DIS3: variants seen among roughly 807,000 people sequenced by gnomAD.
DIS3 encodes DIS3 exosome endoribonuclease and 3'-5' exoribonuclease.
A neutral mutation model predicts 113.0 loss-of-function variants in DIS3; 103 were observed. That is an observed-to-expected ratio of 0.91 (90% CI 0.78 to 1.07). The LOEUF is 1.07. Among genes scored for constraint, DIS3 ranks in the 50% least tolerant of loss-of-function variants. The probability of loss-of-function intolerance (pLI) is 0.00; values close to 1 mark genes in which losing one functional copy is unlikely to be tolerated. For synonymous variants in DIS3, 402 were observed against 394.3 expected (o/e 1.02, Z -0.23); for missense variants, 1,121 against 1,167.1 (o/e 0.96, Z 0.58).
rs1333238991 is a variant in DIS3 at position 72,761,591 on chromosome 13, A to G, written c.2511+55T>C. On this transcript the variant is annotated intron_variant, in intron 18 of 20. Transcript: ENST00000377767. ...TAAATAAACAAAAAATTGAAATTAA[A>G]TTAAAAATGAACAAAACTTCATTTT... The G allele has an allele frequency of 3.3e-6, 5 of 1,532,890 alleles. No individual in the cohort carries two copies. The East Asian group carries it at 9.2e-5, about 28-fold the overall frequency. 95.0% of individuals were successfully genotyped at this position (1,532,890 alleles called of 1,614,324 possible).
At chr13:72,780,152 C>G (rs987784301) in intron 2 of DIS3, among the ~76,000 whole-genome samples, 10 of 151,344 alleles carry the variant, frequency 6.6e-5, no homozygotes, top group Admixed American at 3.3e-4. Flanking sequence ...ATGGTGAAAC[C>G]CTGTCTCTAC....
At position 72,755,160 on chromosome 13, in the gene DIS3, A is replaced by G. The variant is rs1325700349; in HGVS notation, c.*4635T>C. 1.9e-6 allele frequency: 3 copies of G among 1,613,684 alleles called. No homozygotes were observed. The highest frequency in any genetic ancestry group is 2.7e-5 in the African/African-American group (2 of 74,920). On this transcript the variant is annotated 3_prime_UTR_variant, in exon 21 of 21. Transcript: ENST00000377767. ...GTCTTCTTTTTCACAGCAAGACCAC[A>G]CAACACAGAGGTGTTGGATGAAAAC...
chr13:72,756,284 A>G lies in DIS3; in HGVS notation c.*3511T>C, dbSNP rs577034777. ...ATGTGCCGCGTTATGTACCTGGCTCATCTTCAACACACTAACCATGAACAC... is the reference window on the plus strand; with the variant it reads ...ATGTGCCGCGTTATGTACCTGGCTCGTCTTCAACACACTAACCATGAACAC... On this transcript the variant is annotated 3_prime_UTR_variant, in exon 21 of 21. Coordinates refer to ENST00000377767, the MANE Select transcript of DIS3 (RefSeq NM_014953.5). The G allele has an allele frequency of 5.2e-5, 10 of 192,864 alleles. No homozygotes were observed. The East Asian group carries it at 1.2e-3, about 24-fold the overall frequency. 11.9% of individuals were successfully genotyped at this position (192,864 alleles called of 1,614,324 possible). A position where few individuals can be genotyped will look rare whatever the true frequency, so the allele number is the denominator to read the frequency against.
At position 72,778,067 on chromosome 13, in the gene DIS3, T is replaced by C. The variant is rs568888725; in HGVS notation, c.580+120A>G. 5.6e-6 allele frequency: 5 copies of C among 885,188 alleles called. No homozygotes were observed. The East Asian group carries it at 1.1e-4, about 19-fold the overall frequency. 54.8% of individuals were successfully genotyped at this position (885,188 alleles called of 1,614,324 possible). A position where few individuals can be genotyped will look rare whatever the true frequency, so the allele number is the denominator to read the frequency against. ...AATTTAAAAATACAAAAATATCACATGAAGTTATATAGGACTACGAAAATA... is the reference window on the plus strand; with the variant it reads ...AATTTAAAAATACAAAAATATCACACGAAGTTATATAGGACTACGAAAATA... On this transcript the variant is annotated intron_variant, in intron 3 of 20. Transcript: ENST00000377767.
intron 16 of DIS3, among the ~76,000 whole-genome samples, chr13:72,762,556 C>G (rs905008295): frequency 1.3e-5 from 2 of 152,122 alleles, no homozygotes; most frequent in African/African-American, 4.8e-5. Context: ...CCATCATGAT[C>G]GAATAATGCC....
chr13:72,766,918 C>T (rs1444291890), intron 14 of DIS3, among the ~76,000 whole-genome samples: 1 of 152,052 alleles, frequency 6.6e-6, no homozygotes, highest in East Asian at 1.9e-4. Flanking sequence ...AATTCCTCAC[C>T]TTTATTAAAA....
Position 72,755,198 on chromosome 13 carries a change from T to G in DIS3, c.*4597A>C. On this transcript the variant is annotated 3_prime_UTR_variant, in exon 21 of 21. Coordinates refer to ENST00000377767, the MANE Select transcript of DIS3 (RefSeq NM_014953.5). The stretch of plus-strand genomic sequence containing the variant: ...GTTGGATGAAAACAGCAAGCCCTTT[T>G]CAATGCAGCAGTCCATAGAATGCCT... The G allele has an allele frequency of 1.2e-6, 2 of 1,613,502 alleles. No individual in the cohort carries two copies. The highest frequency in any genetic ancestry group is 1.3e-5 in the African/African-American group (1 of 75,040).
rs1399768500 is a variant in DIS3 at position 72,758,777 on chromosome 13, G to T, written c.*1018C>A. On this transcript the variant is annotated 3_prime_UTR_variant, in exon 21 of 21. Transcript: ENST00000377767. ...TTTCTCACTATACTGCAAGCTCCTTGAAGGCAGAGATAATTTACTTGAGTG... is the reference window on the plus strand; with the variant it reads ...TTTCTCACTATACTGCAAGCTCCTTTAAGGCAGAGATAATTTACTTGAGTG... 2 of 202,950 alleles carry T rather than the reference G, an allele frequency of 9.9e-6. No individual in the cohort carries two copies. Among genetic ancestry groups the T allele is most frequent in the Admixed American group, 6.0e-5 (1 of 16,710 alleles). 12.6% of individuals were successfully genotyped at this position (202,950 alleles called of 1,614,324 possible).
rs2033341394 is a variant in DIS3, at chr13:72,753,587, G to A, written c.*6208C>T. ...CAACATGATCAATATTACATGTTAG[G>A]ATCATTCAGATGTAGTGAATGAGAG... On this transcript the variant is annotated 3_prime_UTR_variant, in exon 21 of 21. Coordinates refer to ENST00000377767, the MANE Select transcript of DIS3 (RefSeq NM_014953.5). 8.5e-7 allele frequency: 1 copy of A among 1,175,332 alleles called. No individual in the cohort carries two copies. Among genetic ancestry groups the A allele is most frequent in the Non-Finnish European group, 1.2e-6 (1 of 830,894 alleles). 72.8% of individuals were successfully genotyped at this position (1,175,332 alleles called of 1,614,324 possible). A position where few individuals can be genotyped will look rare whatever the true frequency, so the allele number is the denominator to read the frequency against.
In DIS3 at chr13:72,759,115, T is replaced by C. The variant is rs982446818; in HGVS notation, c.*680A>G. The stretch of plus-strand genomic sequence containing the variant: ...TAGACATTTGAATGCCAATGTCTTA[T>C]TCTGGAGAGACACTGGAGCTGAAGT... On this transcript the variant is annotated 3_prime_UTR_variant, in exon 21 of 21. Transcript: ENST00000377767. 4.4e-5 allele frequency: 8 copies of C among 182,364 alleles called. No individual in the cohort carries two copies. Among genetic ancestry groups the C allele is most frequent in the African/African-American group, 1.9e-4 (8 of 42,574 alleles). The allele number at this position is 182,364 out of a possible 1,614,324, so 11.3% of individuals were successfully genotyped here.
intron 6 of DIS3, 57 bp downstream of exon 6, chr13:72,775,154 G>A: frequency 6.8e-7 from 1 of 1,468,398 alleles, no homozygotes; most frequent in Non-Finnish European, 9.1e-7. Flanking sequence ...TTCCAAAGCT[G>A]ACATATTAAT....
intron 14 of DIS3, among the ~76,000 whole-genome samples, chr13:72,767,391 G>C (rs905897909): frequency 2.0e-5 from 3 of 152,052 alleles, no homozygotes; most frequent in Admixed American, 6.6e-5. Context: ...AAACTTTGTG[G>C]TGTTTTGTGT....
rs751391804 is a variant in DIS3 at position 72,772,648 on chromosome 13, G to A, written c.1386+45C>T. On this transcript the variant is annotated intron_variant, in intron 9 of 20. Transcript: ENST00000377767. ...TATAGAAATTAAACAAAACTAGGCA[G>A]GATATAATAATTTATAAAGTCACTA... The A allele has an allele frequency of 1.9e-5, 30 of 1,562,358 alleles. No homozygotes were observed. In the South Asian group the frequency reaches 3.4e-4, roughly 18 times the overall value.
rs573692422 is a variant in DIS3 at position 72,760,248 on chromosome 13, T to C, written c.2793+281A>G. On this transcript the variant is annotated intron_variant, in intron 20 of 20. Transcript: ENST00000377767. The stretch of plus-strand genomic sequence containing the variant: ...TTAGGTGAAACACCTACACTTCATC[T>C]TCAAAATGCAGAGTTCAAAACTTCT... Among the ~76,000 whole-genome samples, 3 of 152,308 alleles carry C rather than the reference T, an allele frequency of 2.0e-5. No individual in the cohort carries two copies. In the South Asian group the frequency reaches 6.2e-4, roughly 32 times the overall value.
In DIS3 at chr13:72,776,016, C is replaced by T. The variant is rs776762611; in HGVS notation, c.731G>A (p.Gly244Asp). 3.1e-6 allele frequency: 5 copies of T among 1,611,356 alleles called. No individual in the cohort carries two copies. The East Asian group carries it at 1.1e-4, about 36-fold the overall frequency. The change falls in exon 5 of 21, where the codon GGT becomes GAT. Residue 244 changes from glycine to aspartate, a missense_variant. By Grantham distance (94) the Gly-to-Asp change is moderately conservative (BLOSUM62 -1). Around this residue, in one of 3 missense-constraint regions of DIS3, gnomAD observed 861 missense variants for 915.5 expected, o/e 0.94. Transcript: ENST00000377767. ...TCTAAATGTTCCTTGAAGGTATGTA[C>T]CAGATTTTATGCCTTGCTGTAGCTT... ...LSKLQQGIKS[G>D]TYLQGTFRAS...
In DIS3 at chr13:72,765,981, T is replaced by C; in HGVS notation, c.1961A>G (p.Lys654Arg). 1 of 1,605,418 alleles carries C rather than the reference T, an allele frequency of 6.2e-7. No homozygotes were observed. Among genetic ancestry groups the C allele is most frequent in the Non-Finnish European group, 8.5e-7 (1 of 1,176,076 alleles). ...ETHDPIDLQTKELRETNSMVE... is the reference protein window; with the variant it reads ...ETHDPIDLQTRELRETNSMVE... ...CAAAAAAATTACAAACCTAAGTTCC[T>C]TGGTCTGCAGATCTATAGGATCGTG... Residue 654 changes from lysine to arginine, a missense_variant, in exon 15 of 21, where the codon AAG becomes AGG. Lys to Arg is a conservative substitution (Grantham distance 26, BLOSUM62 2). Transcript: ENST00000377767.
chr13:72,765,414 T>A (rs556762480), intron 15 of DIS3, among the ~76,000 whole-genome samples: 1 of 152,260 alleles, frequency 6.6e-6, no homozygotes, highest in South Asian at 2.1e-4. Flanking sequence ...CCTACCCCCA[T>A]CTTTCTGGCA....
chr13:72,768,645 AATAC>A (rs1041622886), intron 14 of DIS3, 136 bp downstream of exon 14: 279 of 573,840 alleles, frequency 4.9e-4, no homozygotes, highest in South Asian at 6.8e-4. Context: ...CTCCGTTTCA[AATAC>A]ATACATACAT....
Position 72,766,041 on chromosome 13 carries a change from GA to G in DIS3, c.1900del (p.Ser634LeufsTer16), listed in dbSNP as rs1225906268. On this transcript the variant is annotated frameshift_variant, in exon 15 of 21. Coordinates refer to ENST00000377767, the MANE Select transcript of DIS3 (RefSeq NM_014953.5). LOFTEE classifies it high-confidence loss of function. ...GTCCATGTGGAATCGAACTTCAGGA[GA>G]GGATAGAGTCAAAGCCCTACATAAA... ...RIEKGALTLS[S>X]PEVRFHMDSE... 6.2e-7 allele frequency: 1 copy of G among 1,611,480 alleles called. No individual in the cohort carries two copies. The highest frequency in any genetic ancestry group is 1.7e-5 in the Admixed American group (1 of 59,948).
Sources: gnomAD v4.1 joint callset for allele counts (sites outside exome capture counted in the v4.1 genomes callset) on GRCh38, gnomAD v4.1.1 for gene constraint, gnomAD v4.1.1 regional missense constraint, MANE v1.5 for transcripts, NCBI Gene and HGNC (gene_info 2026-07-23, HGNC 2026-07-21) for gene names.